Variants in ABLIM1 observed in about 807,000 individuals in gnomAD.
ABLIM1 encodes actin-binding LIM protein 1.
In ABLIM1, 40 loss-of-function variants were observed where a neutral mutation model predicts 107.0. The ratio of observed to expected loss-of-function variants is 0.37; its 90% CI spans 0.29 to 0.49. ABLIM1 has a LOEUF of 0.49. Among genes scored for constraint, ABLIM1 ranks in the 20% least tolerant of loss-of-function variants. The probability of loss-of-function intolerance (pLI) is 0.97; values close to 1 mark genes in which losing one functional copy is unlikely to be tolerated. For missense variants in ABLIM1, 857 were observed against 1,008.5 expected (o/e 0.85, Z 2.04); for synonymous variants, 357 against 357.3 (o/e 1.00, Z 0.01).
At chr10:114,769,016 CTCTT>C (rs992121393), upstream of ABLIM1, among the ~76,000 whole-genome samples, 3 of 151,724 alleles carry the variant, frequency 2.0e-5, no homozygotes, top group African/African-American at 7.3e-5. Flanking sequence ...GCCCTGTCCT[CTCTT>C]CCTCTGTGCA....
chr10:114,546,944 C>T (rs1479001014), intron 5 of ABLIM1, among the ~76,000 whole-genome samples: 1 of 151,852 alleles, frequency 6.6e-6, no homozygotes, highest in Non-Finnish European at 1.5e-5. Context: ...CCATGCCTGG[C>T]TTGCTTGCTT....
intron 12 of ABLIM1, among the ~76,000 whole-genome samples, chr10:114,456,934 TAAA>T (rs61165310): frequency 1.4e-5 from 2 of 138,128 alleles, no homozygotes; most frequent in Non-Finnish European, 3.2e-5. Context: ...GTTTTTTTTT[TAAA>T]AAAAAAAAAA....
chr10:114,590,798 A>G (rs2074784934), intron 2 of ABLIM1, among the ~76,000 whole-genome samples: 1 of 152,200 alleles, frequency 6.6e-6, no homozygotes. Flanking sequence ...GGCCACTTCC[A>G]TCACAGAGAA....
intron 1 of ABLIM1, among the ~76,000 whole-genome samples, chr10:114,706,372 T>C (rs2081421001): frequency 6.6e-6 from 1 of 152,240 alleles, no homozygotes; most frequent in African/African-American, 2.4e-5. Context: ...CATCAGCTGA[T>C]TGTCAAAGTT....
chr10:114,775,521 A>G, the ABLIM1 span, among the ~76,000 whole-genome samples: 3 of 152,190 alleles, frequency 2.0e-5, no homozygotes, highest in African/African-American at 7.2e-5. Context: ...AATACCATAG[A>G]TAGACCAGGA....
chr10:114,784,072 G>T, the ABLIM1 span, among the ~76,000 whole-genome samples: 1,307 of 152,132 alleles, frequency 8.6e-3, 22 homozygotes, highest in African/African-American at 0.023. Context: ...GATGGGCCGG[G>T]CGCAGTGGCT....
intron 1 of ABLIM1, among the ~76,000 whole-genome samples, chr10:114,641,758 T>C (rs899009867): frequency 5.3e-5 from 8 of 152,152 alleles, no homozygotes; most frequent in Non-Finnish European, 1.0e-4. Context: ...CCACCTGGTA[T>C]GTTCAAGGCA....
intron 1 of ABLIM1, among the ~76,000 whole-genome samples, chr10:114,723,738 T>C (rs960383501): frequency 6.6e-6 from 1 of 152,246 alleles, no homozygotes; most frequent in Non-Finnish European, 1.5e-5. Flanking sequence ...ACTTGAGGGT[T>C]ATCTGATTCT....
intron 4 of ABLIM1, among the ~76,000 whole-genome samples, chr10:114,558,498 G>T (rs1451136349): frequency 6.6e-6 from 1 of 152,282 alleles, no homozygotes; most frequent in East Asian, 1.9e-4. Context: ...CTGCAATCAG[G>T]GCTGGACTCA....
chr10:114,484,201 T>C (rs2057826810), intron 8 of ABLIM1, among the ~76,000 whole-genome samples: 1 of 152,214 alleles, frequency 6.6e-6, no homozygotes, highest in Non-Finnish European at 1.5e-5. Flanking sequence ...CACTTACCAG[T>C]AGAGTAACTC....
At position 114,707,757 on chromosome 10, in the gene ABLIM1, C is replaced by T. The variant is rs1284448587; in HGVS notation, c.-213+60304G>A. On this transcript the variant is annotated intron_variant, in intron 1 of 15. Transcript: ENST00000651092. The surrounding 1 kb of genome is among the most constrained non-coding windows in gnomAD (Gnocchi z 4.1). ...CTCTACTAAAAATACAAAAATTAGC[C>T]AGGCGTGGTGGCGGGTGCCTGTCAT... Among the ~76,000 whole-genome samples, 1 of 151,944 alleles carries T rather than the reference C, an allele frequency of 6.6e-6. No homozygotes were observed. The highest frequency in any genetic ancestry group is 2.4e-5 in the African/African-American group (1 of 41,376).
chr10:114,575,711 T>C, intron 2 of ABLIM1, 112 bp from the exon 3 acceptor site: 3 of 1,154,572 alleles, frequency 2.6e-6, no homozygotes, highest in South Asian at 1.6e-5. Context: ...GGTTTGGGGC[T>C]AGGGAGGGGA....
At chr10:114,571,638 T>C (rs1184518619) in intron 3 of ABLIM1, among the ~76,000 whole-genome samples, 1 of 152,176 alleles carries the variant, frequency 6.6e-6, no homozygotes, top group Non-Finnish European at 1.5e-5. Flanking sequence ...AACCAGGTAG[T>C]AAAATGGAAT....
chr10:114,491,721 TCAAA>T lies in ABLIM1; in HGVS notation c.982+66_982+69del, dbSNP rs2059022495. 2.8e-6 allele frequency: 4 copies of T among 1,449,894 alleles called. No homozygotes were observed. In the East Asian group the frequency reaches 9.3e-5, roughly 34 times the overall value. The allele number at this position is 1,449,894 out of a possible 1,614,324, so 89.8% of individuals were successfully genotyped here. ...AACATGCCTCCTTCTCTAAAAACAA[TCAAA>T]CAAACATAGCAAGATTTCCTTTCCC... On this transcript the variant is annotated intron_variant, in intron 7 of 22. Coordinates refer to ENST00000533213, the MANE Select transcript of ABLIM1 (RefSeq NM_002313.7).
chr10:114,545,955 A>C (rs1225933521), intron 5 of ABLIM1, among the ~76,000 whole-genome samples: 1 of 149,858 alleles, frequency 6.7e-6, no homozygotes, highest in Non-Finnish European at 1.5e-5. Context: ...AAAAAAAAAA[A>C]CAAGAACACT....
chr10:114,704,534 A>T (rs575376217), intron 1 of ABLIM1, among the ~76,000 whole-genome samples: 1 of 145,146 alleles, frequency 6.9e-6, no homozygotes, highest in African/African-American at 2.5e-5. Flanking sequence ...CCCAATGCCC[A>T]GTTTCAAGCT....
At chr10:114,775,600 G>A in the ABLIM1 span, among the ~76,000 whole-genome samples, 1 of 152,140 alleles carries the variant, frequency 6.6e-6, no homozygotes, top group Non-Finnish European at 1.5e-5. Context: ...GAAGACACAC[G>A]TTTTACAAGC....
At chr10:114,684,626 C>T in exon 1 of ABLIM1, 1 of 1,215,868 alleles carries the variant, frequency 8.2e-7, no homozygotes, top group Non-Finnish European at 1.0e-6. Flanking sequence ...TCTAAAGAGA[C>T]CCCTTGCAAA....
chr10:114,468,704 A>G (rs1431099498), intron 10 of ABLIM1, among the ~76,000 whole-genome samples: 1 of 152,132 alleles, frequency 6.6e-6, no homozygotes, highest in Non-Finnish European at 1.5e-5. Context: ...TGGGGCTCAG[A>G]CAGGTAGACT....
Sources: allele counts gnomAD v4.1 joint callset (sites outside exome capture counted in the v4.1 genomes callset), GRCh38; gene constraint gnomAD v4.1.1; non-coding constraint Gnocchi (gnomAD v3.1); transcripts MANE v1.5; gene names NCBI Gene and HGNC (gene_info 2026-07-23, HGNC 2026-07-21).